Variants in PATJ observed in about 807,000 individuals in gnomAD.
PATJ encodes the protein PATJ crumbs cell polarity complex component, also known as inaD-like protein.
PATJ carries 190 observed loss-of-function variants against 224.9 expected under a neutral mutation model. That is an observed-to-expected ratio of 0.84 (90% confidence interval 0.75 to 0.95). The LOEUF is 0.95. PATJ is among the 40% of genes least tolerant of loss of function. The pLI is 0.00. For synonymous variants in PATJ, 769 were observed against 820.3 expected (o/e 0.94, Z 1.07); for missense variants, 2,121 against 2,270.3 (o/e 0.93, Z 1.34).
intron 28 of PATJ, among the ~76,000 whole-genome samples, chr1:61,999,805 T>C (rs1357234306): frequency 1.3e-5 from 2 of 152,216 alleles, no homozygotes; most frequent in Non-Finnish European, 2.9e-5. Context: ...AGAAAGTTTT[T>C]CACACATATA....
intron 5 of PATJ, among the ~76,000 whole-genome samples, chr1:61,770,256 G>A (rs935286377): frequency 6.6e-6 from 1 of 152,262 alleles, no homozygotes; most frequent in East Asian, 1.9e-4. Context: ...GAACTGTAGT[G>A]AGAATGGGTA....
chr1:61,828,645 A>G (rs944966970), intron 16 of PATJ, among the ~76,000 whole-genome samples: 12 of 151,198 alleles, frequency 7.9e-5, no homozygotes, highest in East Asian at 7.8e-4. Flanking sequence ...TCCCACCTCA[A>G]CCCCCCAAAA....
rs551143408 is a variant in PATJ, at chr1:61,802,805, G to A, written c.1549+1036G>A. On this transcript the variant is annotated intron_variant, in intron 12 of 43. Coordinates refer to ENST00000642238, the MANE Select transcript of PATJ (RefSeq NM_001350145.3). Reference sequence around the variant, plus strand: ...ATTTTGATACCTTAGCTATTATAGTGGACTCTACTCTCCAAGCTCATTGAG... The same window carrying A: ...ATTTTGATACCTTAGCTATTATAGTAGACTCTACTCTCCAAGCTCATTGAG... 2.0e-5 allele frequency among the ~76,000 whole-genome samples: 3 copies of A among 151,854 alleles called. No homozygotes were observed. In the East Asian group the frequency reaches 5.8e-4, roughly 29 times the overall value.
At chr1:62,128,788 C>A in intron 40 of PATJ, 53 bp from the exon 41 acceptor site, 1 of 1,257,778 alleles carries the variant, frequency 8.0e-7, no homozygotes, top group Non-Finnish European at 1.2e-6. Context: ...GCATTCTTCT[C>A]AAATTTAATT....
At chr1:61,840,980 G>C (rs1660990627) in intron 17 of PATJ, among the ~76,000 whole-genome samples, 1 of 152,030 alleles carries the variant, frequency 6.6e-6, no homozygotes, top group East Asian at 1.9e-4. Context: ...TCATGAATTT[G>C]CTAATGGTTT....
chr1:62,156,007 G>C (rs1415101268), intron 43 of PATJ, among the ~76,000 whole-genome samples: 2 of 132,886 alleles, frequency 1.5e-5, no homozygotes, highest in Admixed American at 8.5e-5. Context: ...GCAGTGAGCC[G>C]AGATTGCGCC....
chr1:62,113,594 G>A lies in PATJ; in HGVS notation c.4462-459G>A, dbSNP rs370609482. ...AAGGCTGCAGTAAGCCAGCATTCATGCCACTGCACTCCAACCTGGGCAACA... is the reference window on the plus strand; with the variant it reads ...AAGGCTGCAGTAAGCCAGCATTCATACCACTGCACTCCAACCTGGGCAACA... On this transcript the variant is annotated intron_variant, in intron 34 of 43. Transcript: ENST00000642238. Among the ~76,000 whole-genome samples the A allele has an allele frequency of 3.3e-5, 5 of 152,192 alleles. No homozygotes were observed. The South Asian group carries it at 1.0e-3, about 32-fold the overall frequency.
intron 27 of PATJ, among the ~76,000 whole-genome samples, chr1:61,969,941 G>T (rs575709702): frequency 6.6e-6 from 1 of 152,062 alleles, no homozygotes; most frequent in African/African-American, 2.4e-5. Context: ...TGATCCGCCC[G>T]CCTCGGCCTC....
intron 1 of PATJ, among the ~76,000 whole-genome samples, chr1:61,747,334 A>C (rs1645071735): frequency 7.4e-6 from 1 of 134,874 alleles, no homozygotes; most frequent in African/African-American, 2.6e-5. Context: ...GAAGATGTAG[A>C]GCTCACTTAT....
intron 7 of PATJ, among the ~76,000 whole-genome samples, chr1:61,782,305 G>A (rs1647509408): frequency 6.6e-6 from 1 of 152,156 alleles, no homozygotes; most frequent in South Asian, 2.1e-4. Context: ...GTTAATCAAT[G>A]TAACATGCTT....
chr1:62,004,070 A>C (rs1556483), intron 28 of PATJ, among the ~76,000 whole-genome samples: 22,275 of 152,126 alleles, frequency 0.15, 2,025 homozygotes, highest in Non-Finnish European at 0.21. Context: ...ACTGCTTCTT[A>C]AGAGCAAACT....
intron 33 of PATJ, 37 bp from the exon 34 acceptor site, chr1:62,108,400 T>A (rs1383595843): frequency 7.6e-7 from 1 of 1,321,630 alleles, no homozygotes; most frequent in Non-Finnish European, 1.1e-6. Flanking sequence ...GAAGCATTTG[T>A]GGTTGTTGAA....
At chr1:62,095,171 T>C (rs1027996950) in intron 33 of PATJ, among the ~76,000 whole-genome samples, 4 of 152,230 alleles carry the variant, frequency 2.6e-5, no homozygotes, top group African/African-American at 7.2e-5. Flanking sequence ...AAGTAGTAGA[T>C]TGAATGTACA....
chr1:62,100,684 ATCTC>A (rs2148831677), intron 33 of PATJ, among the ~76,000 whole-genome samples: 1 of 152,308 alleles, frequency 6.6e-6, no homozygotes, highest in Admixed American at 6.5e-5. Context: ...ACCTCTATCT[ATCTC>A]CAACCAATTT....
intron 22 of PATJ, 92 bp from the exon 23 acceptor site, chr1:61,899,491 C>T (rs1670824600): frequency 9.7e-6 from 7 of 719,592 alleles, no homozygotes; most frequent in South Asian, 2.6e-5. Flanking sequence ...ATTTAACTAC[C>T]TATAGATTTT....
chr1:61,943,677 A>C (rs753712973), intron 27 of PATJ, among the ~76,000 whole-genome samples: 1 of 152,178 alleles, frequency 6.6e-6, no homozygotes. Flanking sequence ...AGCTGAACAA[A>C]AGGCAGCAGA....
chr1:62,073,259 G>C, intron 31 of PATJ: 2 of 985,332 alleles, frequency 2.0e-6, no homozygotes, highest in Non-Finnish European at 2.4e-6. Context: ...CTGTATCATT[G>C]ATTCTGTGCA....
chr1:61,972,587 A>G (rs1468799636), intron 27 of PATJ, among the ~76,000 whole-genome samples: 1 of 152,090 alleles, frequency 6.6e-6, no homozygotes, highest in Non-Finnish European at 1.5e-5. Flanking sequence ...AAGGTTATGT[A>G]ATTAAAATTG....
intron 33 of PATJ, among the ~76,000 whole-genome samples, chr1:62,106,335 G>A (rs924153905): frequency 7.4e-5 from 11 of 149,470 alleles, no homozygotes; most frequent in African/African-American, 2.0e-4. Context: ...TCCAGCCATG[G>A]TTGTGCACAC....
Sources: gnomAD v4.1 joint callset for allele counts (sites outside exome capture counted in the v4.1 genomes callset) on GRCh38, gnomAD v4.1.1 for gene constraint, MANE v1.5 for transcripts, NCBI Gene and HGNC (gene_info 2026-07-23, HGNC 2026-07-21) for gene names.